Variants in LIPA observed in about 807,000 individuals in gnomAD.
LIPA encodes the protein lysosomal acid lipase/cholesteryl ester hydrolase.
LIPA carries 26 observed loss-of-function variants against 40.6 expected under a neutral mutation model. The ratio of observed to expected loss-of-function variants is 0.64; its 90% CI spans 0.47 to 0.89. LIPA has a LOEUF of 0.89. LIPA is among the 40% of genes least tolerant of loss of function. The probability of loss-of-function intolerance (pLI) is 0.00; values close to 1 mark genes in which losing one functional copy is unlikely to be tolerated. For synonymous variants in LIPA, 188 were observed against 168.4 expected, an observed-to-expected ratio of 1.12 and a Z score of -0.90; for missense variants, 455 against 479.6, an observed-to-expected ratio of 0.95 and a Z score of 0.48.
intron 3 of LIPA, among the ~76,000 whole-genome samples, chr10:89,242,872 A>T (rs950173986): frequency 2.6e-5 from 4 of 152,362 alleles, no homozygotes; most frequent in Admixed American, 1.3e-4. Flanking sequence ...AGACTCTCTC[A>T]GCTGCTGAGC....
chr10:89,310,656 T>G (rs1205245262), intron 1 of LIPA, among the ~76,000 whole-genome samples: 1 of 152,212 alleles, frequency 6.6e-6, no homozygotes, highest in Non-Finnish European at 1.5e-5. Context: ...TGCATGCACT[T>G]GTAAGAGAGG....
intron 1 of LIPA, among the ~76,000 whole-genome samples, chr10:89,269,989 T>C (rs150582887): frequency 4.3e-4 from 65 of 152,318 alleles, no homozygotes; most frequent in Middle Eastern, 3.4e-3. Flanking sequence ...CTCCAATTTC[T>C]TCCTCTTTGA....
intron 2 of LIPA, among the ~76,000 whole-genome samples, chr10:89,390,630 G>A (rs868541315): frequency 2.0e-5 from 3 of 152,052 alleles, no homozygotes; most frequent in Non-Finnish European, 2.9e-5. Flanking sequence ...ACACGCGCGC[G>A]ATTGGCTTTT....
intron 1 of LIPA, among the ~76,000 whole-genome samples, chr10:89,317,897 A>T (rs1843549842): frequency 6.6e-6 from 1 of 152,202 alleles, no homozygotes; most frequent in Non-Finnish European, 1.5e-5. Flanking sequence ...GCCAGAAGAG[A>T]GTGGGGGCCA....
intron 1 of LIPA, among the ~76,000 whole-genome samples, chr10:89,331,960 C>A (rs12255221): frequency 2.0e-5 from 3 of 151,630 alleles, no homozygotes; most frequent in Non-Finnish European, 4.4e-5. Flanking sequence ...AGGCCGGGCA[C>A]GGTGGTGCAA....
intron 2 of LIPA, among the ~76,000 whole-genome samples, chr10:89,356,419 C>G (rs985807282): frequency 2.6e-5 from 4 of 152,194 alleles, no homozygotes; most frequent in Admixed American, 2.6e-4. Flanking sequence ...GAGCAGCAGG[C>G]GAGCAATCAA....
intron 2 of LIPA, among the ~76,000 whole-genome samples, chr10:89,395,705 A>G (rs1168237854): frequency 1.3e-5 from 2 of 152,218 alleles, no homozygotes; most frequent in East Asian, 3.8e-4. Context: ...AAAATAAAGA[A>G]GTATCCCAAG....
At chr10:89,319,319 A>G (rs1468193907) in intron 1 of LIPA, among the ~76,000 whole-genome samples, 3 of 152,242 alleles carry the variant, frequency 2.0e-5, no homozygotes, top group Non-Finnish European at 4.4e-5. Context: ...CACTAGCAAG[A>G]CTAATAAAGA....
chr10:89,309,723 C>A (rs74764214), intron 1 of LIPA, among the ~76,000 whole-genome samples: 1,879 of 152,278 alleles, frequency 0.012, 33 homozygotes, highest in African/African-American at 0.043. Context: ...TAACATATTA[C>A]ACTTAATATG....
intron 1 of LIPA, among the ~76,000 whole-genome samples, chr10:89,248,377 G>C (rs2133469828): frequency 6.6e-6 from 1 of 150,532 alleles, no homozygotes; most frequent in East Asian, 1.9e-4. Flanking sequence ...GGCAAGGCTG[G>C]TCTCAGATGA....
At chr10:89,300,240 T>C (rs1033021456) in intron 1 of LIPA, among the ~76,000 whole-genome samples, 2 of 152,112 alleles carry the variant, frequency 1.3e-5, no homozygotes, top group Admixed American at 1.3e-4. Context: ...ACATTGAGAA[T>C]AGAATAATAG....
chr10:89,237,453 CA>C (rs77561722), intron 3 of LIPA, among the ~76,000 whole-genome samples: 18 of 139,192 alleles, frequency 1.3e-4, no homozygotes, highest in Admixed American at 3.4e-4. Flanking sequence ...TCCATTCTAA[CA>C]AAAAAAAATA....
Position 89,247,605 on chromosome 10 carries a change from C to T in LIPA, c.44G>A (p.Trp15Ter), listed in dbSNP as rs1448259424. 1 of 1,613,164 alleles carries T rather than the reference C, an allele frequency of 6.2e-7. No individual in the cohort carries two copies. Among genetic ancestry groups the T allele is most frequent in the East Asian group, 2.2e-5 (1 of 44,870 alleles). The part of the protein sequence containing the change: ...FLGLVVCLVL[W>*]TLHSEGSGGK... Reference sequence around the variant, plus strand: ...TCCAGACCCCTCAGAATGCAGGGTCCAGAGAACCAAACAGACCACCAACCC... The same window carrying T: ...TCCAGACCCCTCAGAATGCAGGGTCTAGAGAACCAAACAGACCACCAACCC... Residue 15 changes from tryptophan (W) to a stop codon, truncating the protein, a stop_gained, in exon 2 of 10, where the codon TGG (tryptophan) becomes TAG (stop). Coordinates refer to ENST00000336233, the MANE Select transcript of LIPA (RefSeq NM_000235.4). LOFTEE classifies it high-confidence loss of function.
chr10:89,317,717 C>A (rs1162708498), intron 1 of LIPA, among the ~76,000 whole-genome samples: 1 of 152,090 alleles, frequency 6.6e-6, no homozygotes, highest in Admixed American at 6.6e-5. Context: ...ATACGGAGAA[C>A]GCCACAAAGA....
chr10:89,216,800 C>T (rs1842633305), intron 8 of LIPA, among the ~76,000 whole-genome samples: 1 of 152,088 alleles, frequency 6.6e-6, no homozygotes, highest in Non-Finnish European at 1.5e-5. Flanking sequence ...TGAGGGATGA[C>T]TGTATATTTT....
chr10:89,392,012 C>A (rs962638548), intron 2 of LIPA, among the ~76,000 whole-genome samples: 1 of 152,130 alleles, frequency 6.6e-6, no homozygotes, highest in African/African-American at 2.4e-5. Flanking sequence ...AGAGGGCTCT[C>A]TATTTCAAAC....
At chr10:89,384,818 C>A in intron 2 of LIPA, 3 of 1,287,610 alleles carry the variant, frequency 2.3e-6, no homozygotes, top group African/African-American at 1.5e-5. Context: ...AAACTTAAAG[C>A]TGTTGGAAAT....
chr10:89,406,877 C>T (rs1003440894), intron 2 of LIPA, among the ~76,000 whole-genome samples: 14 of 152,304 alleles, frequency 9.2e-5, no homozygotes, highest in South Asian at 4.1e-4. Context: ...TATCACCTAT[C>T]GCCAAGCAGT....
In LIPA at chr10:89,223,976, A is replaced by G. The variant is rs1479320561; in HGVS notation, c.676-146T>C. 7.6e-6 allele frequency: 6 copies of G among 785,580 alleles called. No homozygotes were observed. In the African/African-American group the frequency reaches 8.7e-5, roughly 11 times the overall value. 48.7% of individuals were successfully genotyped at this position (785,580 alleles called of 1,614,324 possible). A position where few individuals can be genotyped will look rare whatever the true frequency, so the allele number is the denominator to read the frequency against. ...AATGGCAACCAGTGGACATCAAATC[A>G]GGATGCTTTTGCACAAGTTTACCAA... On this transcript the variant is annotated intron_variant, in intron 6 of 9. Transcript: ENST00000336233.
Sources: allele counts gnomAD v4.1 joint callset (sites outside exome capture counted in the v4.1 genomes callset), GRCh38; gene constraint gnomAD v4.1.1; transcripts MANE v1.5; gene names NCBI Gene and HGNC (gene_info 2026-07-23, HGNC 2026-07-21).